The following PRKAR2A variants were observed in gnomAD, a reference collection of about 807,000 sequenced individuals.
The protein encoded by PRKAR2A is protein kinase cAMP-dependent type II regulatory subunit alpha.
Under a neutral mutation model 51.9 loss-of-function variants are expected in PRKAR2A, and 29 were observed. That is an observed-to-expected ratio of 0.56 (90% CI 0.42 to 0.76). The LOEUF (loss-of-function observed/expected upper bound fraction) is 0.76, where lower values mean the gene tolerates loss of function less well. Ranked by LOEUF, PRKAR2A falls within the 30% of genes least tolerant of loss-of-function variation. The pLI, the probability that PRKAR2A is intolerant of heterozygous loss-of-function variation, is 0.00. For missense variants in PRKAR2A, 445 were observed against 512.1 expected, an observed-to-expected ratio of 0.87 and a Z score of 1.26; for synonymous variants, 178 against 186.2, an observed-to-expected ratio of 0.96 and a Z score of 0.36.
chr3:48,801,795 G>A (rs1345363965), intron 2 of PRKAR2A, among the ~76,000 whole-genome samples: 1 of 151,496 alleles, frequency 6.6e-6, no homozygotes, highest in East Asian at 1.9e-4. Flanking sequence ...GGAGTGCAAT[G>A]GCACAATCTC....
chr3:48,814,045 G>A (rs1297212132), intron 1 of PRKAR2A, among the ~76,000 whole-genome samples: 2 of 151,950 alleles, frequency 1.3e-5, no homozygotes, highest in Non-Finnish European at 2.9e-5. Context: ...GTCAAGAGAT[G>A]GAGACCATAC....
At chr3:48,827,302 C>G (rs769861361) in intron 1 of PRKAR2A, among the ~76,000 whole-genome samples, 2 of 150,094 alleles carry the variant, frequency 1.3e-5, no homozygotes, top group African/African-American at 4.9e-5. Context: ...CAAAAGAACC[C>G]TCAAGAACAT....
chr3:48,776,820 G>A (rs1317013312), intron 5 of PRKAR2A, among the ~76,000 whole-genome samples: 1 of 152,044 alleles, frequency 6.6e-6, no homozygotes, highest in Non-Finnish European at 1.5e-5. Context: ...CAGCCTGGGT[G>A]GCAGAGTGAG....
At position 48,746,694 on chromosome 3, in the gene PRKAR2A, A is replaced by G. The variant is rs1218665236; in HGVS notation, c.*4891T>C. ...TATGGCAAACAGTGACTTAATTCTT[A>G]ATGACTGTTCATTATATGTTTAACA... On this transcript the variant is annotated 3_prime_UTR_variant, in exon 11 of 11. Coordinates refer to ENST00000265563, the MANE Select transcript of PRKAR2A (RefSeq NM_004157.4). 9 of 152,238 alleles carry G rather than the reference A, an allele frequency of 5.9e-5. No homozygotes were observed. Among genetic ancestry groups the G allele is most frequent in the Admixed American group, 5.9e-4 (9 of 15,282 alleles). The allele number at this position is 152,238 out of a possible 1,614,324, so 9.4% of individuals were successfully genotyped here.
intron 2 of PRKAR2A, among the ~76,000 whole-genome samples, chr3:48,794,287 G>A (rs1290480263): frequency 6.6e-6 from 1 of 151,590 alleles, no homozygotes; most frequent in Non-Finnish European, 1.5e-5. Flanking sequence ...AGGTAGCTGG[G>A]ATTACAGGCA....
chr3:48,829,606 ATGTG>A lies in PRKAR2A; in HGVS notation c.262+17725_262+17728del, dbSNP rs56027700. 4.8e-4 allele frequency among the ~76,000 whole-genome samples: 37 copies of A among 77,382 alleles called. 3 individuals are homozygous for A. The highest frequency in any genetic ancestry group is 2.0e-3 in the African/African-American group (29 of 14,216). The allele number at this position is 77,382 out of a possible 152,430, so 50.8% of individuals were successfully genotyped here. ...TGTGTGTATATATACACACACATAA[ATGTG>A]TGTGTGTATACGTGTGTATACACAC... On this transcript the variant is annotated intron_variant, in intron 1 of 10. Coordinates refer to ENST00000265563, the MANE Select transcript of PRKAR2A (RefSeq NM_004157.4).
At chr3:48,837,090 T>C (rs1426906715) in intron 1 of PRKAR2A, among the ~76,000 whole-genome samples, 4 of 151,850 alleles carry the variant, frequency 2.6e-5, no homozygotes, top group African/African-American at 9.7e-5. Context: ...ATTGCACCAC[T>C]ATACTCCAGC....
chr3:48,759,364 A>G (rs1190518445), intron 8 of PRKAR2A, among the ~76,000 whole-genome samples: 2 of 150,072 alleles, frequency 1.3e-5, no homozygotes, highest in Admixed American at 1.3e-4. Context: ...AAGAGAGCTC[A>G]CTGGAAGAGC....
chr3:48,847,210 G>A lies in PRKAR2A; in HGVS notation c.262+125C>T, dbSNP rs1575971047. 8.1e-7 allele frequency: 1 copy of A among 1,234,862 alleles called. No individual in the cohort carries two copies. Among genetic ancestry groups the A allele is most frequent in the East Asian group, 2.8e-5 (1 of 35,984 alleles). 76.5% of individuals were successfully genotyped at this position (1,234,862 alleles called of 1,614,324 possible). A position where few individuals can be genotyped will look rare whatever the true frequency, so the allele number is the denominator to read the frequency against. On this transcript the variant is annotated intron_variant, in intron 1 of 10. Coordinates refer to ENST00000265563, the MANE Select transcript of PRKAR2A (RefSeq NM_004157.4). This position sits in a 1 kb window ranked among gnomAD's most constrained non-coding sequence, Gnocchi z 4.4. ...GTCTCAGGGAAACGCTAGAAACGCG[G>A]CTACAGAGCTCCCAATCCCAGCCTG... is the stretch of plus-strand genomic sequence containing the variant.
chr3:48,762,674 T>C (rs2081880484), intron 8 of PRKAR2A, among the ~76,000 whole-genome samples: 1 of 151,954 alleles, frequency 6.6e-6, no homozygotes, highest in African/African-American at 2.4e-5. Context: ...GGCAAGAGAA[T>C]AGCTTGAACC....
chr3:48,844,143 A>T (rs1240466929), intron 1 of PRKAR2A, among the ~76,000 whole-genome samples: 2 of 152,230 alleles, frequency 1.3e-5, no homozygotes, highest in Non-Finnish European at 2.9e-5. Flanking sequence ...TTTACAAGAA[A>T]AAAACTAACA....
intron 2 of PRKAR2A, among the ~76,000 whole-genome samples, chr3:48,803,502 GT>G: frequency 6.6e-6 from 1 of 152,190 alleles, no homozygotes; most frequent in Admixed American, 6.5e-5. Context: ...TCAGCTCACT[GT>G]AACCTCCGCT....
intron 5 of PRKAR2A, among the ~76,000 whole-genome samples, chr3:48,780,602 C>CAAAAA (rs568780150): frequency 8.7e-4 from 43 of 49,332 alleles, no homozygotes; most frequent in African/African-American, 2.8e-3. Context: ...GACTCCGTCT[C>CAAAAA]AAAAAAAAAA....
At chr3:48,765,936 T>A (rs1180713716) in intron 6 of PRKAR2A, among the ~76,000 whole-genome samples, 1 of 152,176 alleles carries the variant, frequency 6.6e-6, no homozygotes, top group South Asian at 2.1e-4. Context: ...AATATGAAGG[T>A]TGGCTGAATG....
intron 1 of PRKAR2A, among the ~76,000 whole-genome samples, chr3:48,844,438 A>G (rs1446545934): frequency 6.6e-6 from 1 of 150,580 alleles, no homozygotes; most frequent in Non-Finnish European, 1.5e-5. Flanking sequence ...GCGATTCCTC[A>G]GGGATCTAGA....
At chr3:48,771,203 A>G (rs1472298688) in intron 6 of PRKAR2A, among the ~76,000 whole-genome samples, 4 of 151,128 alleles carry the variant, frequency 2.6e-5, no homozygotes, top group Non-Finnish European at 4.4e-5. Context: ...CAAAAAAGAA[A>G]AAAAAGAAAG....
chr3:48,810,608 C>CTTAAAAAAATGTTTTTTTAATTTTTTAAA (rs1298743255), intron 1 of PRKAR2A, among the ~76,000 whole-genome samples: 4 of 151,506 alleles, frequency 2.6e-5, no homozygotes, highest in Admixed American at 6.6e-5. Flanking sequence ...AAAACTGTCT[C>CTTAAAAAAATGTTTTTTTAATTTTTTAAA]TTAAAAAAAT....
chr3:48,779,489 T>C (rs532802995), intron 5 of PRKAR2A, among the ~76,000 whole-genome samples: 1 of 151,848 alleles, frequency 6.6e-6, no homozygotes, highest in South Asian at 2.1e-4. Context: ...TTTATTATAT[T>C]ATAAATATAG....
chr3:48,765,214 C>T, intron 7 of PRKAR2A, 34 bp downstream of exon 7: 2 of 1,565,082 alleles, frequency 1.3e-6, no homozygotes, highest in South Asian at 1.1e-5. Flanking sequence ...TTTTCCTGAT[C>T]CCCATGAACA....
Sources: allele counts gnomAD v4.1 joint callset (sites outside exome capture counted in the v4.1 genomes callset), GRCh38; gene constraint gnomAD v4.1.1; non-coding constraint Gnocchi (gnomAD v3.1); transcripts MANE v1.5; gene names NCBI Gene and HGNC (gene_info 2026-07-23, HGNC 2026-07-21).